GALNTL6: variants seen among roughly 807,000 people sequenced by gnomAD.
The protein encoded by GALNTL6 is polypeptide N-acetylgalactosaminyltransferase like 6.
Under a neutral mutation model 73.7 loss-of-function variants are expected in GALNTL6, and 46 were observed. The observed-to-expected ratio is 0.62, with a 90% CI of 0.49 to 0.80. GALNTL6 has a LOEUF of 0.80. GALNTL6 is among the 30% of genes least tolerant of loss of function. The probability of loss-of-function intolerance (pLI) is 0.00; values close to 1 mark genes in which losing one functional copy is unlikely to be tolerated. For missense variants in GALNTL6, 604 were observed against 755.0 expected (o/e 0.80, Z 2.34); for synonymous variants, 259 against 263.7 (o/e 0.98, Z 0.17).
At chr4:172,686,766 G>T (rs370545402) in intron 5 of GALNTL6, among the ~76,000 whole-genome samples, 1 of 152,018 alleles carries the variant, frequency 6.6e-6, no homozygotes, top group Non-Finnish European at 1.5e-5. Context: ...TCCTTCAAAG[G>T]ATTCAATCAT....
chr4:172,096,720 A>G (rs1468900986), intron 2 of GALNTL6, among the ~76,000 whole-genome samples: 3 of 152,160 alleles, frequency 2.0e-5, no homozygotes, highest in Admixed American at 2.0e-4. Flanking sequence ...TAAAATGTCT[A>G]GTGATCCTTA....
At chr4:171,882,852 T>C (rs1736488776) in intron 2 of GALNTL6, among the ~76,000 whole-genome samples, 1 of 152,322 alleles carries the variant, frequency 6.6e-6, no homozygotes, top group East Asian at 1.9e-4. Context: ...CCATCACAAC[T>C]ATGTTTCGGG....
chr4:172,249,645 A>G lies in GALNTL6; in HGVS notation c.247+19881A>G, dbSNP rs532237543. Among the ~76,000 whole-genome samples, 5 of 152,174 alleles carry G rather than the reference A, an allele frequency of 3.3e-5. No homozygotes were observed. The East Asian group carries it at 5.8e-4, about 18-fold the overall frequency. Reference sequence around the variant, plus strand: ...GTGCAGTCTCAGGATATGGTGCCCTATGTCCCAGCTGTCTTAGCTCCAGCC... The same window carrying G: ...GTGCAGTCTCAGGATATGGTGCCCTGTGTCCCAGCTGTCTTAGCTCCAGCC... On this transcript the variant is annotated intron_variant, in intron 3 of 12. Transcript: ENST00000506823.
intron 2 of GALNTL6, among the ~76,000 whole-genome samples, chr4:171,953,067 G>C (rs1468865795): frequency 6.6e-6 from 1 of 151,976 alleles, no homozygotes; most frequent in Non-Finnish European, 1.5e-5. Flanking sequence ...TATTCAAAGA[G>C]GCGTAAGGAC....
intron 9 of GALNTL6, among the ~76,000 whole-genome samples, chr4:172,940,887 G>T (rs183166408): frequency 2.4e-4 from 37 of 152,080 alleles, no homozygotes; most frequent in African/African-American, 8.4e-4. Context: ...TGCTAAGGCT[G>T]GTCTCAAACT....
At chr4:172,233,088 G>A (rs13132663) in intron 3 of GALNTL6, among the ~76,000 whole-genome samples, 2,170 of 151,776 alleles carry the variant, frequency 0.014, 55 homozygotes, top group African/African-American at 0.05. Flanking sequence ...GATAATTTTG[G>A]CTGGGCCCAG....
chr4:172,914,325 T>C (rs375239945), intron 8 of GALNTL6, among the ~76,000 whole-genome samples: 1 of 152,086 alleles, frequency 6.6e-6, no homozygotes, highest in Non-Finnish European at 1.5e-5. Context: ...CAATGCTAGA[T>C]AGAAATTGCG....
At chr4:172,943,408 C>G (rs1420256028) in intron 9 of GALNTL6, among the ~76,000 whole-genome samples, 11 of 152,202 alleles carry the variant, frequency 7.2e-5, no homozygotes, top group Non-Finnish European at 1.5e-5. Flanking sequence ...CCGGATTGTA[C>G]AGCCTATTTT....
chr4:172,157,434 A>C (rs1314773863), intron 2 of GALNTL6, among the ~76,000 whole-genome samples: 1 of 152,088 alleles, frequency 6.6e-6, no homozygotes, highest in African/African-American at 2.4e-5. Context: ...TTGATTTCCT[A>C]AATCTGTTTC....
At chr4:172,886,481 A>G (rs114921293) in intron 8 of GALNTL6, among the ~76,000 whole-genome samples, 1 of 152,178 alleles carries the variant, frequency 6.6e-6, no homozygotes, top group Non-Finnish European at 1.5e-5. Flanking sequence ...TGTTTAAAAA[A>G]TTGGCTGGAC....
At chr4:171,944,868 T>C (rs1331679687) in intron 2 of GALNTL6, among the ~76,000 whole-genome samples, 1 of 152,070 alleles carries the variant, frequency 6.6e-6, no homozygotes, top group Non-Finnish European at 1.5e-5. Context: ...AGCTAATTGA[T>C]AATGATATCA....
intron 4 of GALNTL6, among the ~76,000 whole-genome samples, chr4:172,328,505 C>T (rs1038981708): frequency 1.3e-5 from 2 of 152,086 alleles, no homozygotes; most frequent in African/African-American, 4.8e-5. Context: ...TTGCTTTCTC[C>T]CCTTCCCTTT....
intron 5 of GALNTL6, among the ~76,000 whole-genome samples, chr4:172,625,631 C>T (rs911352939): frequency 2.6e-5 from 4 of 152,094 alleles, no homozygotes; most frequent in African/African-American, 9.7e-5. Flanking sequence ...AGCTAACTTA[C>T]ATTCCCACCA....
At chr4:172,273,857 G>A (rs1345074169) in intron 3 of GALNTL6, among the ~76,000 whole-genome samples, 2 of 152,116 alleles carry the variant, frequency 1.3e-5, no homozygotes, top group African/African-American at 4.8e-5. Flanking sequence ...AGGCATTGGT[G>A]ACCTTTCAGC....
Position 172,069,597 on chromosome 4 carries a change from CAT to C in GALNTL6, c.139-160054_139-160053del, listed in dbSNP as rs1354087492. Among the ~76,000 whole-genome samples, 38 of 33,148 alleles carry C rather than the reference CAT, an allele frequency of 1.1e-3. 7 individuals carry two copies. The highest frequency in any genetic ancestry group is 2.0e-3 in the African/African-American group (31 of 15,876). 21.7% of individuals were successfully genotyped at this position (33,148 alleles called of 152,430 possible). On this transcript the variant is annotated intron_variant, in intron 2 of 12. Transcript: ENST00000506823. ...TATGTTATATATTATATATATAACA[CAT>C]ATATGTTATATATATATAACATATA...
At chr4:172,576,947 C>T (rs1015177705) in intron 5 of GALNTL6, among the ~76,000 whole-genome samples, 9 of 152,108 alleles carry the variant, frequency 5.9e-5, no homozygotes, top group African/African-American at 1.9e-4. Context: ...GATTTGAGAG[C>T]GTACCTTGAG....
intron 5 of GALNTL6, among the ~76,000 whole-genome samples, chr4:172,526,599 T>C (rs1460805011): frequency 6.6e-6 from 1 of 152,200 alleles, no homozygotes; most frequent in Non-Finnish European, 1.5e-5. Context: ...TTTTAATCTG[T>C]CTTTTCTTTT....
At chr4:173,038,258 T>C (rs988868380) in intron 12 of GALNTL6, among the ~76,000 whole-genome samples, 8 of 152,100 alleles carry the variant, frequency 5.3e-5, no homozygotes, top group Admixed American at 3.9e-4. Context: ...AGAATGAGCA[T>C]GAGAGATGCT....
In GALNTL6 at chr4:172,535,834, C is replaced by A. The variant is rs548629620; in HGVS notation, c.553+187145C>A. Among the ~76,000 whole-genome samples the A allele has an allele frequency of 5.0e-4, 76 of 152,180 alleles. 2 individuals are homozygous for A. In the South Asian group the frequency reaches 0.016, roughly 31 times the overall value. Reference sequence around the variant, plus strand: ...ATGGACAGGTGGCTTTCAGGTTGGGCCCTACAAGTGTAATAGATTTTGATT... The same window carrying A: ...ATGGACAGGTGGCTTTCAGGTTGGGACCTACAAGTGTAATAGATTTTGATT... On this transcript the variant is annotated intron_variant, in intron 5 of 12. Coordinates refer to ENST00000506823, the MANE Select transcript of GALNTL6 (RefSeq NM_001034845.3).
Sources: allele counts gnomAD v4.1 joint callset (sites outside exome capture counted in the v4.1 genomes callset), GRCh38; gene constraint gnomAD v4.1.1; transcripts MANE v1.5; gene names NCBI Gene and HGNC (gene_info 2026-07-23, HGNC 2026-07-21).